DNAH9: variants seen among roughly 807,000 people sequenced by gnomAD.
The protein encoded by DNAH9 is dynein axonemal heavy chain 9.
In DNAH9, 345 loss-of-function variants were observed where a neutral mutation model predicts 471.6. The observed-to-expected ratio is 0.73, with a 90% CI of 0.67 to 0.80. The LOEUF is 0.80. DNAH9 is among the 30% of genes least tolerant of loss of function. DNAH9 has a pLI of 0.00. For synonymous variants in DNAH9, 2,093 were observed against 2,123.6 expected, an observed-to-expected ratio of 0.99 and a Z score of 0.40; for missense variants, 5,407 against 5,609.2, an observed-to-expected ratio of 0.96 and a Z score of 1.15.
chr17:11,637,797 T>C (rs1216765242), intron 9 of DNAH9, among the ~76,000 whole-genome samples: 1 of 152,064 alleles, frequency 6.6e-6, no homozygotes, highest in African/African-American at 2.4e-5. Flanking sequence ...TAACTCTTCC[T>C]TCCTCCCCAA....
At chr17:11,701,907 C>T (rs994326207) in intron 24 of DNAH9, among the ~76,000 whole-genome samples, 1 of 152,100 alleles carries the variant, frequency 6.6e-6, no homozygotes, top group African/African-American at 2.4e-5. Flanking sequence ...GTCTCAAACT[C>T]CTGAACTCAA....
chr17:11,912,779 G>C (rs1231931840), intron 61 of DNAH9, among the ~76,000 whole-genome samples: 1 of 151,968 alleles, frequency 6.6e-6, no homozygotes, highest in Non-Finnish European at 1.5e-5. Flanking sequence ...TTCTTTCTTT[G>C]CAATGTCCTT....
Position 11,664,930 on chromosome 17 carries a change from C to A in DNAH9, c.2693C>A (p.Ala898Asp), listed in dbSNP as rs1160272754. 6.2e-7 allele frequency: 1 copy of A among 1,613,124 alleles called. No individual in the cohort carries two copies. The highest frequency in any genetic ancestry group is 8.5e-7 in the Non-Finnish European group (1 of 1,179,198). The change falls in exon 15 of 69, where the codon GCC becomes GAC. Residue 898 changes from alanine to aspartate, a missense_variant. Coordinates refer to ENST00000262442, the MANE Select transcript of DNAH9 (RefSeq NM_001372.4). ...DNLLLNGFFL[A>D]IECSLKYLLE... The stretch of plus-strand genomic sequence containing the variant: ...TTGTTGCTGAATGGATTCTTTCTTG[C>A]CATTGAGTGCTCCCTCAAGTATCTT...
At chr17:11,852,872 A>G (rs1971479928) in intron 49 of DNAH9, among the ~76,000 whole-genome samples, 1 of 140,970 alleles carries the variant, frequency 7.1e-6, no homozygotes, top group Non-Finnish European at 1.5e-5. Context: ...GAAAGTGTGT[A>G]TATATAAAAG....
At chr17:11,917,297 C>T (rs143382652) in intron 61 of DNAH9, among the ~76,000 whole-genome samples, 1 of 152,246 alleles carries the variant, frequency 6.6e-6, no homozygotes, top group East Asian at 1.9e-4. Flanking sequence ...GCTGGGATTA[C>T]AGGCGCCCAC....
chr17:11,931,949 C>T, intron 63 of DNAH9, 65 bp from the exon 64 acceptor site: 1 of 1,562,206 alleles, frequency 6.4e-7, no homozygotes, highest in Non-Finnish European at 8.7e-7. Flanking sequence ...ATTGTAACCT[C>T]ACCCTAGCCA....
intron 10 of DNAH9, among the ~76,000 whole-genome samples, chr17:11,643,720 G>A (rs1318381496): frequency 2.6e-5 from 4 of 152,060 alleles, no homozygotes; most frequent in African/African-American, 9.7e-5. Context: ...TGATCAATAC[G>A]TTCTATGATC....
At chr17:11,818,446 GAGAAA>G (rs1970186974) in intron 45 of DNAH9, among the ~76,000 whole-genome samples, 2 of 150,376 alleles carry the variant, frequency 1.3e-5, no homozygotes, top group Non-Finnish European at 3.0e-5. Context: ...AAAAAAAGAA[GAGAAA>G]AGAAAGTGGG....
intron 59 of DNAH9, among the ~76,000 whole-genome samples, chr17:11,898,895 C>T (rs1368830781): frequency 6.6e-6 from 1 of 152,188 alleles, no homozygotes; most frequent in African/African-American, 2.4e-5. Context: ...GTTCGCTTTG[C>T]CTTGCTTCAC....
intron 30 of DNAH9, among the ~76,000 whole-genome samples, chr17:11,742,674 A>C (rs2075449698): frequency 6.6e-6 from 1 of 152,186 alleles, no homozygotes; most frequent in African/African-American, 2.4e-5. Flanking sequence ...TTAAGTGTTA[A>C]CCAGCTTTGA....
chr17:11,950,533 CTTTTTA>C (rs1483531782), intron 67 of DNAH9, among the ~76,000 whole-genome samples: 2 of 152,000 alleles, frequency 1.3e-5, no homozygotes, highest in African/African-American at 2.4e-5. Context: ...ACCCGACTAA[CTTTTTA>C]TTTTTATTTT....
intron 20 of DNAH9, among the ~76,000 whole-genome samples, chr17:11,691,439 A>G (rs1335748616): frequency 1.3e-5 from 2 of 152,216 alleles, no homozygotes; most frequent in Non-Finnish European, 2.9e-5. Flanking sequence ...AAGAGTTAGT[A>G]TCATTAACCT....
chr17:11,731,271 G>A (rs894210704), intron 28 of DNAH9, among the ~76,000 whole-genome samples: 1 of 152,186 alleles, frequency 6.6e-6, no homozygotes, highest in Non-Finnish European at 1.5e-5. Context: ...TGATGGTTGT[G>A]ATAGTGATGA....
chr17:11,636,490 T>C, intron 8 of DNAH9, 144 bp from the exon 9 acceptor site: 1 of 621,314 alleles, frequency 1.6e-6, no homozygotes, highest in Non-Finnish European at 2.8e-6. Flanking sequence ...ATATGAATAA[T>C]TACAGGTCCA....
In DNAH9 at chr17:11,664,272, G is replaced by GGA. The variant is rs529645630; in HGVS notation, c.2596-545_2596-544dup. Among the ~76,000 whole-genome samples the GGA allele has an allele frequency of 1.4e-4, 21 of 150,472 alleles. 1 individual carries two copies. Among genetic ancestry groups the GGA allele is most frequent in the South Asian group, 6.3e-4 (3 of 4,730 alleles). On this transcript the variant is annotated intron_variant, in intron 14 of 68. Coordinates refer to ENST00000262442, the MANE Select transcript of DNAH9 (RefSeq NM_001372.4). ...AAAGAGAAGGCGGGGAGGAAGGAGG[G>GGA]GAGAGAGAGAGAGAGAGTGAGAGAG...
chr17:11,818,425 A>ATTT (rs112312158), intron 45 of DNAH9, among the ~76,000 whole-genome samples: 1 of 148,574 alleles, frequency 6.7e-6, no homozygotes, highest in African/African-American at 2.6e-5. Context: ...AAGACTCCGT[A>ATTT]TTTAAAAAAA....
chr17:11,926,035 GAAAAAAA>G (rs71142253), intron 62 of DNAH9, among the ~76,000 whole-genome samples: 11 of 59,918 alleles, frequency 1.8e-4, no homozygotes, highest in African/African-American at 7.1e-4. Context: ...GAGATTCTCT[GAAAAAAA>G]AAAAAAAAAA....
chr17:11,606,366 C>G (rs1405014196), intron 1 of DNAH9, among the ~76,000 whole-genome samples: 1 of 151,846 alleles, frequency 6.6e-6, no homozygotes, highest in East Asian at 1.9e-4. Flanking sequence ...TTCTGGTATT[C>G]TCCTTCCATC....
intron 11 of DNAH9, 107 bp downstream of exon 11, chr17:11,644,806 C>T (rs1316155918): frequency 2.4e-5 from 19 of 780,874 alleles, no homozygotes; most frequent in Middle Eastern, 2.6e-4. Flanking sequence ...AAGTATCACT[C>T]TATGTTTTAT....
Sources: allele counts gnomAD v4.1 joint callset (sites outside exome capture counted in the v4.1 genomes callset), GRCh38; gene constraint gnomAD v4.1.1; transcripts MANE v1.5; gene names NCBI Gene and HGNC (gene_info 2026-07-23, HGNC 2026-07-21).